Variants in CYFIP1 observed in about 807,000 individuals in gnomAD.
The protein encoded by CYFIP1 is cytoplasmic FMR1-interacting protein 1.
In CYFIP1, 58 loss-of-function variants were observed where a neutral mutation model predicts 163.5. That is an observed-to-expected ratio of 0.35 (90% CI 0.29 to 0.44). The LOEUF is 0.44. Among genes scored for constraint, CYFIP1 ranks in the 20% least tolerant of loss-of-function variants. The pLI, the probability that CYFIP1 is intolerant of heterozygous loss-of-function variation, is 1.00. For missense variants in CYFIP1, 1,338 were observed against 1,653.8 expected (o/e 0.81, Z 3.31); for synonymous variants, 663 against 660.7 (o/e 1.00, Z -0.05).
chr15:22,939,116 A>C, intron 8 of CYFIP1, 76 bp downstream of exon 8: 1 of 1,569,652 alleles, frequency 6.4e-7, no homozygotes, highest in Non-Finnish European at 8.7e-7. Context: ...AAAGGATTCT[A>C]GATAAAGCAC....
intron 1 of CYFIP1, among the ~76,000 whole-genome samples, chr15:22,977,226 C>A (rs1340275119): frequency 6.6e-6 from 1 of 151,748 alleles, no homozygotes; most frequent in East Asian, 1.9e-4. Flanking sequence ...AATAAGGTCG[C>A]CTTCTGTGTG....
At chr15:22,932,823 C>T (rs184350137) in intron 10 of CYFIP1, among the ~76,000 whole-genome samples, 1 of 152,270 alleles carries the variant, frequency 6.6e-6, no homozygotes, top group Admixed American at 6.5e-5. Context: ...ATCTGACACA[C>T]TGTCAGTCTC....
chr15:22,926,334 G>C (rs2061356812), intron 12 of CYFIP1, among the ~76,000 whole-genome samples: 1 of 152,180 alleles, frequency 6.6e-6, no homozygotes, highest in Admixed American at 6.5e-5. Flanking sequence ...GGCCTGGATA[G>C]TGAGTGCTGA....
At chr15:22,959,781 G>A (rs774184030) in intron 1 of CYFIP1, among the ~76,000 whole-genome samples, 6 of 152,136 alleles carry the variant, frequency 3.9e-5, no homozygotes, top group Non-Finnish European at 5.9e-5. Context: ...ATCGAGCCCC[G>A]TGCTCCCCCT....
In CYFIP1 at chr15:22,869,158, T is replaced by G. The variant is rs1385228210; in HGVS notation, c.*870A>C. ...TTGTGCAGCACCCACTGGGCCTGAC[T>G]GATCTCCTCCCACATTGCTGGCTTC... is the stretch of plus-strand genomic sequence containing the variant. On this transcript the variant is annotated 3_prime_UTR_variant, in exon 31 of 31. Transcript: ENST00000617928. 6.6e-6 allele frequency: 1 copy of G among 152,302 alleles called. No individual in the cohort carries two copies. The highest frequency in any genetic ancestry group is 1.5e-5 in the Non-Finnish European group (1 of 68,118). The allele number at this position is 152,302 out of a possible 1,614,324, so 9.4% of individuals were successfully genotyped here.
chr15:22,980,183 G>GGT (rs2063436249), intron 1 of CYFIP1, 104 bp downstream of exon 1: 1 of 149,664 alleles, frequency 6.7e-6, no homozygotes, highest in Non-Finnish European at 1.5e-5. Flanking sequence ...GGGGAGGGGG[G>GGT]GGTCCGTCCC....
rs545249607 is a variant in CYFIP1, at chr15:22,966,176, C to T, written c.-7+14111G>A. Among the ~76,000 whole-genome samples, 513 of 150,710 alleles carry T rather than the reference C, an allele frequency of 3.4e-3. 5 individuals carry two copies. Among genetic ancestry groups the T allele is most frequent in the African/African-American group, 0.012 (495 of 41,248 alleles). ...CCAGCCTGACCAACATGGAGAAACC[C>T]CGTCTCTACTAAAAAAAAAAATACA... On this transcript the variant is annotated intron_variant, in intron 1 of 30. Coordinates refer to ENST00000617928, the MANE Select transcript of CYFIP1 (RefSeq NM_014608.6).
At chr15:22,905,126 C>G (rs535916511) in intron 21 of CYFIP1, 5 of 152,260 alleles carry the variant, frequency 3.3e-5, no homozygotes, top group Admixed American at 1.3e-4. Flanking sequence ...TCTTCCTCAC[C>G]TGGAAAGTCC....
At chr15:22,882,847 G>C in intron 24 of CYFIP1, 21 bp downstream of exon 24, 1 of 1,602,626 alleles carries the variant, frequency 6.2e-7, no homozygotes, top group Non-Finnish European at 8.5e-7. Context: ...TGTGAAAGAA[G>C]CATGTCCAGG....
chr15:22,961,407 G>A (rs911305416), intron 1 of CYFIP1, among the ~76,000 whole-genome samples: 1 of 152,078 alleles, frequency 6.6e-6, no homozygotes, highest in Admixed American at 6.6e-5. Context: ...TTGAGACAGG[G>A]TCTCACTGTC....
In CYFIP1 at chr15:22,882,880, G is replaced by A. The variant is rs148724829; in HGVS notation, c.2808C>T (p.Val936=). ...AGGGAACACTCACCAGGCTCTTGAC[G>A]ACCTTCAGCAGCTCCTCCATGACCA... ...IAVVMEELLK[V]VKSLLQGTIL... The change falls in exon 24 of 31, where the codon GTC becomes GTT. Residue 936 remains valine (V), a synonymous_variant. Transcript: ENST00000617928. 2.1e-5 allele frequency: 34 copies of A among 1,613,190 alleles called. No homozygotes were observed. The African/African-American group carries it at 3.7e-4, about 18-fold the overall frequency.
chr15:22,963,560 A>ACAT (rs199915541), intron 1 of CYFIP1, among the ~76,000 whole-genome samples: 27 of 118,782 alleles, frequency 2.3e-4, no homozygotes, highest in Non-Finnish European at 3.9e-4. Context: ...ATAACATAAG[A>ACAT]AAGAATGAAA....
At chr15:22,878,443 G>A (rs936492567) in intron 26 of CYFIP1, among the ~76,000 whole-genome samples, 1 of 152,066 alleles carries the variant, frequency 6.6e-6, no homozygotes, top group Non-Finnish European at 1.5e-5. Context: ...AACGGGAGGA[G>A]GAGCCCTTCA....
chr15:22,916,886 A>C, intron 15 of CYFIP1: 1 of 1,551,834 alleles, frequency 6.4e-7, no homozygotes, highest in African/African-American at 1.4e-5. Context: ...TCTTACCACC[A>C]AAGGTTAAAA....
intron 1 of CYFIP1, among the ~76,000 whole-genome samples, chr15:22,949,240 A>G (rs181600668): frequency 2.0e-5 from 3 of 151,408 alleles, no homozygotes; most frequent in East Asian, 2.1e-4. Flanking sequence ...GGGACCAGGC[A>G]GGCCGGAGGG....
chr15:22,933,394 A>G (rs2061601865), intron 10 of CYFIP1, among the ~76,000 whole-genome samples: 2 of 150,846 alleles, frequency 1.3e-5, no homozygotes, highest in African/African-American at 2.4e-5. Context: ...TGCTCACTGC[A>G]AGCTCCGCCT....
chr15:22,957,627 C>T (rs2062522576), intron 1 of CYFIP1, among the ~76,000 whole-genome samples: 1 of 152,174 alleles, frequency 6.6e-6, no homozygotes, highest in Non-Finnish European at 1.5e-5. Flanking sequence ...CAGAGCAAGA[C>T]TCCATCTCAA....
intron 1 of CYFIP1, among the ~76,000 whole-genome samples, chr15:22,954,838 C>A (rs530206294): frequency 2.6e-5 from 4 of 152,154 alleles, no homozygotes; most frequent in Non-Finnish European, 5.9e-5. Flanking sequence ...CAAAGGAGGA[C>A]ATCATCATAC....
chr15:22,872,712 T>C lies in CYFIP1; in HGVS notation c.3597+113A>G, dbSNP rs1428873313. 15 of 1,062,370 alleles carry C rather than the reference T, an allele frequency of 1.4e-5. 1 individual carries two copies. Among genetic ancestry groups the C allele is most frequent in the Non-Finnish European group, 1.9e-5 (14 of 734,292 alleles). 65.8% of individuals were successfully genotyped at this position (1,062,370 alleles called of 1,614,324 possible). The stretch of plus-strand genomic sequence containing the variant: ...GGAACGAAAAGAAAGTTTCTGTTGG[T>C]GGCACCTTACGTACTAGGATGAAAA... On this transcript the variant is annotated intron_variant, in intron 30 of 30. Coordinates refer to ENST00000617928, the MANE Select transcript of CYFIP1 (RefSeq NM_014608.6).
Sources: gnomAD v4.1 joint callset for allele counts (sites outside exome capture counted in the v4.1 genomes callset) on GRCh38, gnomAD v4.1.1 for gene constraint, MANE v1.5 for transcripts, NCBI Gene and HGNC (gene_info 2026-07-23, HGNC 2026-07-21) for gene names.